The following MOXD1 variants were observed in gnomAD, a reference collection of about 807,000 sequenced individuals.
MOXD1 encodes the protein monooxygenase DBH like 1, also known as DBH-like monooxygenase protein 1.
Under a neutral mutation model 66.6 loss-of-function variants are expected in MOXD1, and 62 were observed. The observed-to-expected ratio is 0.93, with a 90% CI of 0.76 to 1.15. MOXD1 has a LOEUF of 1.15. Among genes scored for constraint, MOXD1 ranks in the 50% most tolerant of loss-of-function variants. The pLI, the probability that MOXD1 is intolerant of heterozygous loss-of-function variation, is 0.00. For synonymous variants in MOXD1, 303 were observed against 281.9 expected (o/e 1.07, Z -0.75); for missense variants, 847 against 754.6 (o/e 1.12, Z -1.44).
chr6:132,400,276 GCAGT>G (rs1289756869), intron 1 of MOXD1, among the ~76,000 whole-genome samples: 1 of 152,152 alleles, frequency 6.6e-6, no homozygotes, highest in African/African-American at 2.4e-5. Flanking sequence ...TTAGCAAAGG[GCAGT>G]ATGTTCGGAT....
chr6:132,393,121 A>C (rs1204359642), intron 1 of MOXD1, among the ~76,000 whole-genome samples: 1 of 151,744 alleles, frequency 6.6e-6, no homozygotes, highest in East Asian at 1.9e-4. Flanking sequence ...AAAAATTACC[A>C]ACTGCTTCCA....
At chr6:132,333,331 G>A (rs1405062342) in intron 4 of MOXD1, among the ~76,000 whole-genome samples, 4 of 96,088 alleles carry the variant, frequency 4.2e-5, no homozygotes, top group Non-Finnish European at 6.9e-5. Context: ...GTGAGACTCC[G>A]TCTCAAAAAA....
At chr6:132,355,525 T>G (rs1423128623) in intron 4 of MOXD1, among the ~76,000 whole-genome samples, 2 of 152,184 alleles carry the variant, frequency 1.3e-5, no homozygotes, top group Non-Finnish European at 2.9e-5. Context: ...GCCTTACAGT[T>G]TCTACTCTCT....
chr6:132,377,650 G>A (rs1776421154), intron 1 of MOXD1, among the ~76,000 whole-genome samples: 2 of 152,232 alleles, frequency 1.3e-5, no homozygotes, highest in Admixed American at 1.3e-4. Context: ...GTAACCAAGT[G>A]AGTGCTTAAT....
intron 10 of MOXD1, among the ~76,000 whole-genome samples, chr6:132,299,100 A>G (rs915267699): frequency 6.6e-6 from 1 of 152,202 alleles, no homozygotes; most frequent in Non-Finnish European, 1.5e-5. Flanking sequence ...CCACACAAAA[A>G]AAGAAAGAAA....
intron 9 of MOXD1, among the ~76,000 whole-genome samples, chr6:132,316,676 A>G (rs535260946): frequency 7.2e-5 from 11 of 152,300 alleles, no homozygotes; most frequent in African/African-American, 2.6e-4. Context: ...CTTGAAGATT[A>G]ATCAATAGAA....
chr6:132,319,261 C>G (rs1775024347), intron 9 of MOXD1, among the ~76,000 whole-genome samples: 2 of 151,852 alleles, frequency 1.3e-5, no homozygotes, highest in Non-Finnish European at 1.5e-5. Flanking sequence ...GATTTCTTAG[C>G]TAGAATACCA....
At chr6:132,375,661 C>T (rs1730318092) in intron 1 of MOXD1, among the ~76,000 whole-genome samples, 1 of 152,164 alleles carries the variant, frequency 6.6e-6, no homozygotes, top group Admixed American at 6.5e-5. Context: ...ACCTCGTGAT[C>T]TGCCCATCTC....
intron 1 of MOXD1, chr6:132,392,142 TA>T: frequency 6.6e-7 from 1 of 1,508,494 alleles, no homozygotes; most frequent in South Asian, 1.3e-5. Context: ...GGGGTGTGCT[TA>T]AAAGAAGCAC....
chr6:132,398,880 G>A (rs949773538), intron 1 of MOXD1, among the ~76,000 whole-genome samples: 7 of 147,108 alleles, frequency 4.8e-5, no homozygotes, highest in Non-Finnish European at 1.0e-4. Flanking sequence ...TGAGGTTGCA[G>A]TGAGCCGAGA....
intron 2 of MOXD1, among the ~76,000 whole-genome samples, chr6:132,374,189 A>G (rs1776326135): frequency 6.6e-6 from 1 of 152,232 alleles, no homozygotes; most frequent in Admixed American, 6.5e-5. Context: ...AGGCAATTAT[A>G]ATCAGCCACC....
chr6:132,316,605 A>G (rs1475761303), intron 9 of MOXD1, among the ~76,000 whole-genome samples: 3 of 152,144 alleles, frequency 2.0e-5, no homozygotes, highest in Non-Finnish European at 4.4e-5. Context: ...AAAACGAAAT[A>G]AAAACTTCAC....
intron 4 of MOXD1, among the ~76,000 whole-genome samples, chr6:132,356,447 T>A (rs1775911876): frequency 6.6e-6 from 1 of 152,154 alleles, no homozygotes; most frequent in South Asian, 2.1e-4. Flanking sequence ...GTGTGTGAAT[T>A]TTATAAAGTA....
rs140309901 is a variant in MOXD1 at position 132,358,818 on chromosome 6, G to A, written c.663+13790C>T. On this transcript the variant is annotated intron_variant, in intron 4 of 11. Coordinates refer to ENST00000367963, the MANE Select transcript of MOXD1 (RefSeq NM_015529.4). ...CTAAGAGAAACAAACATACATCTTT[G>A]GAGGATGACCTTAAAGCAGTATTTT... 1.1e-4 allele frequency among the ~76,000 whole-genome samples: 17 copies of A among 152,232 alleles called. No individual in the cohort carries two copies. In the East Asian group the frequency reaches 3.3e-3, roughly 29 times the overall value.
Position 132,315,623 on chromosome 6 carries a change from T to C in MOXD1, c.1508+12A>G, listed in dbSNP as rs1774928248. ...ATACGTTACCCCATCATAAAATACATTTACTACTTACGTGACTGGTCTGTA... is the reference window on the plus strand; with the variant it reads ...ATACGTTACCCCATCATAAAATACACTTACTACTTACGTGACTGGTCTGTA... On this transcript the variant is annotated intron_variant, in intron 10 of 11. Coordinates refer to ENST00000367963, the MANE Select transcript of MOXD1 (RefSeq NM_015529.4). 6.2e-7 allele frequency: 1 copy of C among 1,602,226 alleles called. No homozygotes were observed. Among genetic ancestry groups the C allele is most frequent in the Non-Finnish European group, 8.5e-7 (1 of 1,176,006 alleles).
rs745934772 is a variant in MOXD1, at chr6:132,328,468, C to A, written c.790G>T (p.Asp264Tyr). The change falls in exon 5 of 12, where the codon GAT (aspartate) becomes TAT (tyrosine). Residue 264 changes from aspartate to tyrosine, a missense_variant. Coordinates refer to ENST00000367963, the MANE Select transcript of MOXD1 (RefSeq NM_015529.4). ...GHECYHPNMP[D>Y]AFLTCETVIF... ...ACAGTTTCACAGGTGAGGAATGCAT[C>A]GGGCATGTTGGGGTGATAGCACTCG... The A allele has an allele frequency of 1.9e-6, 3 of 1,614,030 alleles. No homozygotes were observed. Among genetic ancestry groups the A allele is most frequent in the African/African-American group, 2.7e-5 (2 of 74,926 alleles).
At chr6:132,354,700 C>A (rs897752848) in intron 4 of MOXD1, among the ~76,000 whole-genome samples, 4 of 152,112 alleles carry the variant, frequency 2.6e-5, no homozygotes, top group South Asian at 4.1e-4. Flanking sequence ...TGGTGGTGGG[C>A]GGGGCCCTAG....
chr6:132,374,925 A>G (rs1368735592), intron 1 of MOXD1, 148 bp from the exon 2 acceptor site: 1 of 751,070 alleles, frequency 1.3e-6, no homozygotes, highest in African/African-American at 1.8e-5. Flanking sequence ...CAACTGGGGA[A>G]TCAGGTCCCT....
intron 1 of MOXD1, among the ~76,000 whole-genome samples, chr6:132,378,197 G>T (rs2114671327): frequency 6.6e-6 from 1 of 152,102 alleles, no homozygotes. Flanking sequence ...CAGATCTTCA[G>T]ATTTGACTAT....
Sources: allele counts gnomAD v4.1 joint callset (sites outside exome capture counted in the v4.1 genomes callset), GRCh38; gene constraint gnomAD v4.1.1; transcripts MANE v1.5; gene names NCBI Gene and HGNC (gene_info 2026-07-23, HGNC 2026-07-21).